The following TPST2 variants were observed in gnomAD, a reference collection of about 807,000 sequenced individuals.
TPST2 encodes tyrosylprotein sulfotransferase 2.
In TPST2, 16 loss-of-function variants were observed where a neutral mutation model predicts 27.8. That is an observed-to-expected ratio of 0.58 (90% CI 0.39 to 0.88). The LOEUF (loss-of-function observed/expected upper bound fraction) is 0.88. TPST2 is among the 40% of genes least tolerant of loss of function. The pLI is 0.00. For synonymous variants in TPST2, 229 were observed against 231.7 expected (o/e 0.99, Z 0.10); for missense variants, 464 against 543.1 (o/e 0.85, Z 1.45).
chr22:26,527,895 G>C (rs1924927710), intron 6 of TPST2, among the ~76,000 whole-genome samples: 1 of 152,208 alleles, frequency 6.6e-6, no homozygotes, highest in African/African-American at 2.4e-5. Context: ...GTGCAAAAAT[G>C]GTTCCAGAAT....
At chr22:26,586,289 C>T (rs564227303) in intron 1 of TPST2, among the ~76,000 whole-genome samples, 2 of 152,140 alleles carry the variant, frequency 1.3e-5, no homozygotes, top group East Asian at 1.9e-4. Context: ...CCTACAATCT[C>T]GCCCTGTTGC....
At chr22:26,535,183 G>C (rs771964247) in intron 4 of TPST2, among the ~76,000 whole-genome samples, 12 of 152,324 alleles carry the variant, frequency 7.9e-5, no homozygotes, top group Non-Finnish European at 1.6e-4. Context: ...AAGAGTTACG[G>C]AACTAAGAGA....
chr22:26,535,739 C>T (rs1188630795), intron 4 of TPST2, among the ~76,000 whole-genome samples: 1 of 152,240 alleles, frequency 6.6e-6, no homozygotes, highest in Non-Finnish European at 1.5e-5. Flanking sequence ...TGCACCAGTG[C>T]ACCCAGCTTG....
intron 6 of TPST2, 106 bp downstream of exon 6, chr22:26,528,104 CATGT>C: frequency 1.5e-6 from 2 of 1,290,780 alleles, no homozygotes; most frequent in Non-Finnish European, 2.2e-6. Context: ...CCCTAGTGGA[CATGT>C]CTACCCCAGG....
chr22:26,541,947 C>T lies in TPST2; in HGVS notation c.-88-229G>A, dbSNP rs115864972. Among the ~76,000 whole-genome samples the T allele has an allele frequency of 4.4e-3, 670 of 152,154 alleles. 2 individuals are homozygous for T. Among genetic ancestry groups the T allele is most frequent in the African/African-American group, 0.016 (646 of 41,514 alleles). ...ATGTTTCCCAGGCTGCTCTTGAACT[C>T]GTGGGCCTGGGTGATCCTCCTACCT... On this transcript the variant is annotated intron_variant, in intron 2 of 6. Transcript: ENST00000338754. The surrounding 1 kb of genome is among the most constrained non-coding windows in gnomAD (Gnocchi z 5.9).
rs1924756104 is a variant in TPST2 at position 26,525,079 on chromosome 22, G to C, written c.*1196C>G. The C allele has an allele frequency of 6.6e-6, 1 of 152,198 alleles. No homozygotes were observed. Among genetic ancestry groups the C allele is most frequent in the South Asian group, 2.1e-4 (1 of 4,826 alleles). 9.4% of individuals were successfully genotyped at this position (152,198 alleles called of 1,614,324 possible). ...ATGCAATAAAAACCTAGACCCCAAGGCTAGGGTGAGCTTTCTGGCTGGTAA... is the reference window on the plus strand; with the variant it reads ...ATGCAATAAAAACCTAGACCCCAAGCCTAGGGTGAGCTTTCTGGCTGGTAA... On this transcript the variant is annotated 3_prime_UTR_variant, in exon 7 of 7. Coordinates refer to ENST00000338754, the MANE Select transcript of TPST2 (RefSeq NM_003595.5).
intron 5 of TPST2, among the ~76,000 whole-genome samples, chr22:26,528,884 A>G (rs2147171170): frequency 6.6e-6 from 1 of 152,102 alleles, no homozygotes. Flanking sequence ...CAGGAGGCTG[A>G]GGCAGGAGAA....
intron 1 of TPST2, among the ~76,000 whole-genome samples, chr22:26,576,952 C>T (rs1246433858): frequency 2.6e-5 from 4 of 151,924 alleles, no homozygotes; most frequent in Non-Finnish European, 5.9e-5. Context: ...AAAAATTAGC[C>T]GGGCGTGGTG....
intron 1 of TPST2, among the ~76,000 whole-genome samples, chr22:26,588,574 T>C (rs1028222242): frequency 2.2e-4 from 33 of 152,180 alleles, no homozygotes; most frequent in African/African-American, 8.0e-4. Context: ...TAAAAAAAGT[T>C]TGCATGAGAT....
chr22:26,569,991 A>AAAAGAAAGAAAGAAAG (rs770577530), intron 1 of TPST2, among the ~76,000 whole-genome samples: 35 of 19,864 alleles, frequency 1.8e-3, no homozygotes, highest in Non-Finnish European at 2.5e-3. Flanking sequence ...AAAAGAAAGA[A>AAAAGAAAGAAAGAAAG]AAAGAAAGAA....
At chr22:26,561,878 C>T (rs149036646) in intron 1 of TPST2, among the ~76,000 whole-genome samples, 2 of 152,316 alleles carry the variant, frequency 1.3e-5, no homozygotes, top group East Asian at 1.9e-4. Context: ...CAGTCCAGTA[C>T]CCACCTACAG....
intron 1 of TPST2, among the ~76,000 whole-genome samples, chr22:26,586,942 T>TCA (rs1316209815): frequency 6.6e-6 from 1 of 152,198 alleles, no homozygotes; most frequent in Non-Finnish European, 1.5e-5. Context: ...GATGTCTGTG[T>TCA]GTGCAGAATG....
intron 2 of TPST2, among the ~76,000 whole-genome samples, chr22:26,542,514 T>C (rs1925921297): frequency 6.6e-6 from 1 of 152,188 alleles, no homozygotes; most frequent in African/African-American, 2.4e-5. Context: ...TCATTGGTTA[T>C]TTACTTATTC....
chr22:26,532,863 C>G, intron 4 of TPST2, 118 bp from the exon 5 acceptor site: 1 of 848,006 alleles, frequency 1.2e-6, no homozygotes, highest in Non-Finnish European at 1.9e-6. Context: ...ATCCCTCCAT[C>G]CAACAAACAT....
In TPST2 at chr22:26,524,168, C is replaced by T. The variant is rs1301328685; in HGVS notation, c.*2107G>A. ...CTGAAGAAATGAACAAAAAGGGTCA[C>T]ACCTTCAAAAAAGCCTAATTTCCAT... On this transcript the variant is annotated 3_prime_UTR_variant, in exon 7 of 7. Coordinates refer to ENST00000338754, the MANE Select transcript of TPST2 (RefSeq NM_003595.5). The T allele has an allele frequency of 6.6e-6, 1 of 152,074 alleles. No homozygotes were observed. Among genetic ancestry groups the T allele is most frequent in the African/African-American group, 2.4e-5 (1 of 41,412 alleles). 9.4% of individuals were successfully genotyped at this position (152,074 alleles called of 1,614,324 possible). A position where few individuals can be genotyped will look rare whatever the true frequency, so the allele number is the denominator to read the frequency against.
chr22:26,541,812 G>A lies in TPST2; in HGVS notation c.-88-94C>T, dbSNP rs894719837. ...GCCCTATAACTGCAAACAAGAGGCT[G>A]CTGACATGAATGCAGAGGGCACCTT... On this transcript the variant is annotated intron_variant, in intron 2 of 6. Coordinates refer to ENST00000338754, the MANE Select transcript of TPST2 (RefSeq NM_003595.5). The surrounding 1 kb of genome is among the most constrained non-coding windows in gnomAD (Gnocchi z 5.9). The A allele has an allele frequency of 2.3e-5, 28 of 1,230,634 alleles. No homozygotes were observed. The South Asian group carries it at 4.4e-4, about 19-fold the overall frequency. The allele number at this position is 1,230,634 out of a possible 1,614,324, so 76.2% of individuals were successfully genotyped here.
chr22:26,548,489 G>GAA (rs1353470475), intron 1 of TPST2, among the ~76,000 whole-genome samples: 2 of 148,724 alleles, frequency 1.3e-5, no homozygotes, highest in Non-Finnish European at 3.0e-5. Flanking sequence ...AAGAAAGAAA[G>GAA]AAGAAAGGAA....
chr22:26,560,409 G>T, intron 1 of TPST2: 1 of 634,812 alleles, frequency 1.6e-6, no homozygotes, highest in Non-Finnish European at 2.8e-6. Flanking sequence ...CTTTTGTAAG[G>T]ATTAAATAAG....
Position 26,541,387 on chromosome 22 carries a change from T to TG in TPST2, c.243dup (p.Thr82HisfsTer38). The TG allele has an allele frequency of 6.4e-7, 1 of 1,559,486 alleles. No homozygotes were observed. Among genetic ancestry groups the TG allele is most frequent in the Non-Finnish European group, 8.7e-7 (1 of 1,151,948 alleles). The stretch of plus-strand genomic sequence containing the variant: ...GCGTCCAGCATGGCGCGCATCAACG[T>TG]GGTGCCACTGCGAGGCACGCCACCC... On this transcript the variant is annotated frameshift_variant, in exon 3 of 7. Coordinates refer to ENST00000338754, the MANE Select transcript of TPST2 (RefSeq NM_003595.5). LOFTEE classifies it high-confidence loss of function. This position sits in a 1 kb window ranked among gnomAD's most constrained non-coding sequence, Gnocchi z 5.9.
Sources: gnomAD v4.1 joint callset for allele counts (sites outside exome capture counted in the v4.1 genomes callset) on GRCh38, gnomAD v4.1.1 for gene constraint, Gnocchi (gnomAD v3.1) non-coding constraint, MANE v1.5 for transcripts, NCBI Gene and HGNC (gene_info 2026-07-23, HGNC 2026-07-21) for gene names.